The following ARHGEF9 variants were observed in gnomAD, a reference collection of about 807,000 sequenced individuals.
ARHGEF9 encodes the protein Cdc42 guanine nucleotide exchange factor 9, also known as rho guanine nucleotide exchange factor 9.
Under a neutral mutation model 41.3 loss-of-function variants are expected in ARHGEF9, and 2 were observed. The ratio of observed to expected loss-of-function variants is 0.05; its 90% confidence interval spans 0.02 to 0.15. ARHGEF9 has a LOEUF of 0.15. ARHGEF9 is among the 10% of genes least tolerant of loss of function. ARHGEF9 has a pLI of 1.00. For missense variants in ARHGEF9, 225 were observed against 424.7 expected (o/e 0.53, Z 4.13); for synonymous variants, 160 against 154.4 (o/e 1.04, Z -0.27).
rs1485685991 is a variant in ARHGEF9, at chrX:63,755,162, C to A, written c.30+29954G>T. 6.4e-6 allele frequency: 6 copies of A among 937,481 alleles called. No homozygotes were observed. In the African/African-American group the frequency reaches 8.2e-5, roughly 13 times the overall value. The allele number at this position is 937,481 out of a possible 1,213,427, so 77.3% of individuals were successfully genotyped here. On this transcript the variant is annotated intron_variant, in intron 1 of 9. Coordinates refer to ENST00000671741, the MANE Select transcript of ARHGEF9 (RefSeq NM_001353921.2). ...ATAGGCTGCCTTTTTATTCACCGAG[C>A]GACTGCGGGCGCTTGCGTGAGGCGC...
At chrX:63,764,669 G>A (rs1478640432) in intron 1 of ARHGEF9, among the ~76,000 whole-genome samples, 1 of 112,045 alleles carries the variant, frequency 8.9e-6, no homozygotes, top group Admixed American at 9.4e-5. Context: ...GTCCTTTGCA[G>A]GGACATGGAT....
chrX:63,779,051 T>A (rs1484034110), intron 1 of ARHGEF9, among the ~76,000 whole-genome samples: 3 of 112,059 alleles, frequency 2.7e-5, no homozygotes, highest in Non-Finnish European at 5.6e-5. Context: ...GTTTCAGGAC[T>A]GAGAAACGTA....
chrX:63,697,356 C>A, intron 3 of ARHGEF9, 52 bp from the exon 4 acceptor site: 1 of 1,117,033 alleles, frequency 9.0e-7, no homozygotes, highest in Non-Finnish European at 1.2e-6. Flanking sequence ...TTCCAGAAGG[C>A]TTTACACTTC....
chrX:63,635,303 T>C lies in ARHGEF9; in HGVS notation c.*2725A>G. The stretch of plus-strand genomic sequence containing the variant: ...TAGAGAGGGGGGGAAAAAGAGAGAA[T>C]AATTAGATGTCTGTCTTAGGACTCC... On this transcript the variant is annotated 3_prime_UTR_variant, in exon 10 of 10. Transcript: ENST00000671741. 1 of 517,854 alleles carries C rather than the reference T, an allele frequency of 1.9e-6. No homozygotes were observed. Among genetic ancestry groups the C allele is most frequent in the Non-Finnish European group, 3.5e-6 (1 of 284,081 alleles). 42.7% of individuals were successfully genotyped at this position (517,854 alleles called of 1,213,427 possible). A position where few individuals can be genotyped will look rare whatever the true frequency, so the allele number is the denominator to read the frequency against.
At chrX:63,691,454 A>G (rs1438166692) in intron 4 of ARHGEF9, among the ~76,000 whole-genome samples, 2 of 111,303 alleles carry the variant, frequency 1.8e-5, no homozygotes, top group Non-Finnish European at 3.8e-5. Context: ...AAATAAAAAT[A>G]AAAAGCACTG....
At chrX:63,653,994 T>C (rs1231009652) in intron 8 of ARHGEF9, among the ~76,000 whole-genome samples, 6 of 110,347 alleles carry the variant, frequency 5.4e-5, no homozygotes, top group African/African-American at 2.0e-4. Context: ...TTCAGTCACC[T>C]TGATTTTTCT....
At chrX:63,648,750 A>G (rs2048310286) in intron 8 of ARHGEF9, among the ~76,000 whole-genome samples, 1 of 111,378 alleles carries the variant, frequency 9.0e-6, no homozygotes, top group African/African-American at 3.3e-5. Flanking sequence ...AAAGGGATGG[A>G]GGAAGATCTA....
chrX:63,672,261 T>A (rs1264817251), intron 6 of ARHGEF9, among the ~76,000 whole-genome samples: 1 of 110,200 alleles, frequency 9.1e-6, no homozygotes, highest in African/African-American at 3.3e-5. Context: ...CTTCCACAAT[T>A]ATGAGAAATA....
intron 5 of ARHGEF9, among the ~76,000 whole-genome samples, chrX:63,677,201 T>C (rs1393119853): frequency 8.9e-6 from 1 of 111,910 alleles, no homozygotes; most frequent in Non-Finnish European, 1.9e-5. Context: ...CAGCCTCTTA[T>C]TGGGGAGAAC....
intron 4 of ARHGEF9, among the ~76,000 whole-genome samples, chrX:63,689,197 TA>T (rs1233179829): frequency 3.6e-5 from 4 of 110,909 alleles, no homozygotes; most frequent in Non-Finnish European, 5.7e-5. Flanking sequence ...CTGAATGGAT[TA>T]AAAAAAACAG....
chrX:63,665,940 G>A lies in ARHGEF9; in HGVS notation c.1023C>T (p.Arg341=), dbSNP rs1556347332. The part of the protein sequence containing the change: ...EMAWIYQPYG[R]NQQRVFFLFD... Reference sequence around the variant, plus strand: ...ACAGGAAGAAGACCCGCTGCTGGTTGCGGCCGTAGGGCTGGTAGATCCAGG... The same window carrying A: ...ACAGGAAGAAGACCCGCTGCTGGTTACGGCCGTAGGGCTGGTAGATCCAGG... Residue 341 remains arginine, a synonymous_variant, in exon 7 of 10, where the codon CGC becomes CGT. Transcript: ENST00000671741. 1 of 1,210,748 alleles carries A rather than the reference G, an allele frequency of 8.3e-7. No individual in the cohort carries two copies. The highest frequency in any genetic ancestry group is 1.1e-6 in the Non-Finnish European group (1 of 895,324).
chrX:63,750,529 T>G (rs1359607199), intron 1 of ARHGEF9, among the ~76,000 whole-genome samples: 1 of 111,245 alleles, frequency 9.0e-6, no homozygotes, highest in African/African-American at 3.3e-5. Context: ...CTGATCAGGA[T>G]TCCCCAAGCC....
intron 2 of ARHGEF9, 128 bp from the exon 3 acceptor site, chrX:63,706,577 G>A: frequency 1.2e-6 from 1 of 814,523 alleles, no homozygotes; most frequent in Non-Finnish European, 1.7e-6. Flanking sequence ...ACCTGTGCAA[G>A]TAGAATTCGA....
At chrX:63,639,942 T>C (rs1326230532) in intron 9 of ARHGEF9, 1 of 111,861 alleles carries the variant, frequency 8.9e-6, no homozygotes, top group African/African-American at 3.3e-5. Flanking sequence ...AGTACAATGA[T>C]GGTTACTAGA....
chrX:63,664,235 T>G (rs782618367), intron 7 of ARHGEF9, among the ~76,000 whole-genome samples: 1 of 112,457 alleles, frequency 8.9e-6, no homozygotes, highest in East Asian at 2.8e-4. Context: ...GAGTTCTAAG[T>G]TAAACCCATT....
chrX:63,772,912 C>T (rs1354054303), intron 1 of ARHGEF9, among the ~76,000 whole-genome samples: 2 of 111,493 alleles, frequency 1.8e-5, no homozygotes, highest in African/African-American at 6.5e-5. Context: ...TTCCCGTAAG[C>T]CTCACTGTCT....
At chrX:63,781,853 T>G (rs781924555) in intron 1 of ARHGEF9, among the ~76,000 whole-genome samples, 4 of 112,145 alleles carry the variant, frequency 3.6e-5, no homozygotes, top group Non-Finnish European at 7.5e-5. Flanking sequence ...CCCAAGGACA[T>G]TGGCCTCCTT....
At chrX:63,704,214 A>T (rs1556398950) in intron 3 of ARHGEF9, among the ~76,000 whole-genome samples, 3 of 112,372 alleles carry the variant, frequency 2.7e-5, no homozygotes, top group Non-Finnish European at 3.8e-5. Flanking sequence ...ATTTTATGAA[A>T]AACACTATGA....
intron 1 of ARHGEF9, among the ~76,000 whole-genome samples, chrX:63,775,242 T>G (rs2056273082): frequency 8.9e-6 from 1 of 112,597 alleles, no homozygotes; most frequent in African/African-American, 3.2e-5. Context: ...TGTAAACTAG[T>G]TAAGCCACTG....
Sources: allele counts gnomAD v4.1 joint callset (sites outside exome capture counted in the v4.1 genomes callset), GRCh38; gene constraint gnomAD v4.1.1; transcripts MANE v1.5; gene names NCBI Gene and HGNC (gene_info 2026-07-23, HGNC 2026-07-21).